Variants in SLC16A10 observed in about 807,000 individuals in gnomAD.
The protein encoded by SLC16A10 is monocarboxylate transporter 10.
Under a neutral mutation model 40.0 loss-of-function variants are expected in SLC16A10, and 27 were observed. That is an observed-to-expected ratio of 0.67 (90% CI 0.50 to 0.93). SLC16A10 has a LOEUF of 0.93. SLC16A10 is among the 40% of genes least tolerant of loss of function. The pLI, the probability that SLC16A10 is intolerant of heterozygous loss-of-function variation, is 0.00. For missense variants in SLC16A10, 529 were observed against 658.2 expected (o/e 0.80, Z 2.15); for synonymous variants, 213 against 249.8 (o/e 0.85, Z 1.39).
At chr6:111,138,680 G>A (rs1771925662) in intron 1 of SLC16A10, among the ~76,000 whole-genome samples, 1 of 150,986 alleles carries the variant, frequency 6.6e-6, no homozygotes, top group Non-Finnish European at 1.5e-5. Flanking sequence ...ACAGGGTCTT[G>A]CTTGAATCTT....
chr6:111,103,286 T>C (rs4945877), intron 1 of SLC16A10, among the ~76,000 whole-genome samples: 146,710 of 152,220 alleles, frequency 0.96, 70,719 homozygotes, highest in East Asian at 1. Flanking sequence ...GGCACGATCT[T>C]GGCTTACGGC....
At chr6:111,115,560 G>T (rs1422003592) in intron 1 of SLC16A10, among the ~76,000 whole-genome samples, 1 of 152,190 alleles carries the variant, frequency 6.6e-6, no homozygotes, top group Non-Finnish European at 1.5e-5. Context: ...GGATTGGCTG[G>T]CATTATTTCT....
At chr6:111,148,164 A>T (rs1012931282) in intron 1 of SLC16A10, among the ~76,000 whole-genome samples, 1 of 152,132 alleles carries the variant, frequency 6.6e-6, no homozygotes, top group Non-Finnish European at 1.5e-5. Flanking sequence ...TTGGGATCCT[A>T]TCTTTCTCCT....
intron 1 of SLC16A10, among the ~76,000 whole-genome samples, chr6:111,135,977 G>C (rs978592514): frequency 6.6e-6 from 1 of 152,160 alleles, no homozygotes; most frequent in Admixed American, 6.5e-5. Flanking sequence ...GCCTATACTG[G>C]CTTATCCTTA....
At chr6:111,133,430 A>G (rs1771820940) in intron 1 of SLC16A10, among the ~76,000 whole-genome samples, 1 of 152,160 alleles carries the variant, frequency 6.6e-6, no homozygotes, top group South Asian at 2.1e-4. Context: ...GAGAATTGGG[A>G]CCAATTTGAC....
At chr6:111,221,169 C>T (rs1770881543) in intron 5 of SLC16A10, among the ~76,000 whole-genome samples, 3 of 152,086 alleles carry the variant, frequency 2.0e-5, no homozygotes, top group Non-Finnish European at 4.4e-5. Context: ...AGTTTAAAAA[C>T]ACTAAGATAA....
intron 5 of SLC16A10, among the ~76,000 whole-genome samples, chr6:111,220,374 ATAT>A (rs1324785338): frequency 1.1e-4 from 17 of 152,190 alleles, no homozygotes; most frequent in African/African-American, 4.1e-4. Context: ...TCTCTGAATG[ATAT>A]TATAAAGATG....
chr6:111,196,635 C>G (rs959933964), intron 3 of SLC16A10, among the ~76,000 whole-genome samples: 4 of 152,094 alleles, frequency 2.6e-5, no homozygotes, highest in African/African-American at 9.7e-5. Context: ...ATGGCAAGAC[C>G]ACATCTCTAC....
chr6:111,111,934 A>C (rs1303662279), intron 1 of SLC16A10, among the ~76,000 whole-genome samples: 1 of 152,128 alleles, frequency 6.6e-6, no homozygotes, highest in Non-Finnish European at 1.5e-5. Flanking sequence ...TTGATCTATA[A>C]ACTCAACAAA....
At chr6:111,088,770 A>T (rs558707292) in intron 1 of SLC16A10, among the ~76,000 whole-genome samples, 11 of 151,244 alleles carry the variant, frequency 7.3e-5, no homozygotes, top group African/African-American at 2.4e-4. Flanking sequence ...GTTTTTTGAC[A>T]TTTTTTTTTA....
intron 1 of SLC16A10, among the ~76,000 whole-genome samples, chr6:111,131,910 G>A (rs1301366856): frequency 6.6e-6 from 1 of 152,192 alleles, no homozygotes; most frequent in East Asian, 1.9e-4. Context: ...TGAAAGTGTA[G>A]CCCCAAAATT....
rs575043882 is a variant in SLC16A10, at chr6:111,177,219, G to A, written c.496G>A (p.Glu166Lys). ...LMSSSFVSSI[E>K]PLYLTYGIIF... ...TTTTTCATCTTTATACAGTTCCATC[G>A]AGCCTCTGTACCTTACCTATGGAAT... Residue 166 changes from glutamate (E) to lysine (K), a missense_variant, in exon 3 of 6, where the codon GAG (glutamate) becomes AAG (lysine). Coordinates refer to ENST00000368851, the MANE Select transcript of SLC16A10 (RefSeq NM_018593.5). The A allele has an allele frequency of 8.6e-6, 13 of 1,513,564 alleles. No individual in the cohort carries two copies. The highest frequency in any genetic ancestry group is 1.4e-5 in the African/African-American group (1 of 71,662). The allele number at this position is 1,513,564 out of a possible 1,614,324, so 93.8% of individuals were successfully genotyped here.
At chr6:111,162,158 C>G (rs1448490674) in intron 1 of SLC16A10, among the ~76,000 whole-genome samples, 1 of 152,232 alleles carries the variant, frequency 6.6e-6, no homozygotes, top group Non-Finnish European at 1.5e-5. Flanking sequence ...AGGACTGAGT[C>G]ATTTGCAGAA....
At chr6:111,188,248 TC>T (rs1357316259) in intron 3 of SLC16A10, among the ~76,000 whole-genome samples, 11 of 102,410 alleles carry the variant, frequency 1.1e-4, no homozygotes, top group Non-Finnish European at 1.9e-4. Context: ...ATTTACTTTC[TC>T]TCTCCCTCTC....
intron 1 of SLC16A10, among the ~76,000 whole-genome samples, chr6:111,103,215 A>G (rs1030872896): frequency 2.0e-5 from 3 of 151,516 alleles, no homozygotes; most frequent in Non-Finnish European, 4.4e-5. Flanking sequence ...TCCCCATTTA[A>G]TTTTGTTGTT....
At chr6:111,117,317 A>G (rs925004904) in intron 1 of SLC16A10, among the ~76,000 whole-genome samples, 3 of 137,424 alleles carry the variant, frequency 2.2e-5, no homozygotes, top group African/African-American at 8.3e-5. Flanking sequence ...AAGCCACTGC[A>G]CTCCATCCTG....
chr6:111,116,952 G>A (rs1229155339), intron 1 of SLC16A10, among the ~76,000 whole-genome samples: 1 of 152,170 alleles, frequency 6.6e-6, no homozygotes, highest in Non-Finnish European at 1.5e-5. Context: ...GCCTGGAATT[G>A]CTTTAGCAGT....
chr6:111,121,600 A>G (rs1033685797), intron 1 of SLC16A10, among the ~76,000 whole-genome samples: 1 of 152,182 alleles, frequency 6.6e-6, no homozygotes. Flanking sequence ...TGAAAAACAT[A>G]GTTTTTAGAG....
chr6:111,102,672 A>G (rs1159676781), intron 1 of SLC16A10, among the ~76,000 whole-genome samples: 2 of 151,896 alleles, frequency 1.3e-5, no homozygotes, highest in Middle Eastern at 3.2e-3. Context: ...GGTCTGTCTT[A>G]GGGCGGGGGA....
Sources: gnomAD v4.1 joint callset for allele counts (sites outside exome capture counted in the v4.1 genomes callset) on GRCh38, gnomAD v4.1.1 for gene constraint, MANE v1.5 for transcripts, NCBI Gene and HGNC (gene_info 2026-07-23, HGNC 2026-07-21) for gene names.